BCL7C: variants seen among roughly 807,000 people sequenced by gnomAD.
BCL7C encodes the protein BAF chromatin remodeling complex subunit BCL7C, also known as B-cell CLL/lymphoma 7 protein family member C.
A neutral mutation model predicts 26.2 loss-of-function variants in BCL7C; 8 were observed. That is an observed-to-expected ratio of 0.30 (90% confidence interval 0.18 to 0.55). The LOEUF (loss-of-function observed/expected upper bound fraction) is 0.55. Among genes scored for constraint, BCL7C ranks in the 20% least tolerant of loss-of-function variants. BCL7C has a pLI of 0.93. For missense variants in BCL7C, 262 were observed against 298.5 expected (o/e 0.88, Z 0.90); for synonymous variants, 90 against 116.5 (o/e 0.77, Z 1.47).
Position 30,834,888 on chromosome 16 carries a change from G to A in BCL7C, c.*60C>T, listed in dbSNP as rs551533081. 136 of 1,423,476 alleles carry A rather than the reference G, an allele frequency of 9.6e-5. 2 individuals are homozygous for A. In the South Asian group the frequency reaches 1.9e-3, roughly 20 times the overall value. 88.2% of individuals were successfully genotyped at this position (1,423,476 alleles called of 1,614,324 possible). A position where few individuals can be genotyped will look rare whatever the true frequency, so the allele number is the denominator to read the frequency against. On this transcript the variant is annotated 3_prime_UTR_variant, in exon 6 of 6. Coordinates refer to the BCL7C transcript ENST00000380317. The surrounding 1 kb of genome is among the most constrained non-coding windows in gnomAD (Gnocchi z 4.3). ...TTCCGCCCTCGGGGCACAGGTAGTG[G>A]CTGGATCTTGGGGCAGCCAAGGGAG...
chr16:30,888,834 G>C (rs370439394), intron 5 of BCL7C, 26 bp downstream of exon 5: 1 of 1,610,374 alleles, frequency 6.2e-7, no homozygotes, highest in African/African-American at 1.3e-5. Context: ...CAAGACCCAG[G>C]AGTCCAGCCT....
At chr16:30,838,042 T>G (rs1055874475) in intron 5 of BCL7C, among the ~76,000 whole-genome samples, 2 of 152,246 alleles carry the variant, frequency 1.3e-5, no homozygotes, top group African/African-American at 4.8e-5. Flanking sequence ...CTTGGCTTCT[T>G]TCCTGTCCCA....
chr16:30,839,749 C>A (rs2054590712), intron 5 of BCL7C, among the ~76,000 whole-genome samples: 1 of 152,226 alleles, frequency 6.6e-6, no homozygotes, highest in African/African-American at 2.4e-5. Flanking sequence ...GCTCAGCCAA[C>A]ACCTAGACTT....
chr16:30,845,102 A>C (rs1169319585), intron 5 of BCL7C, among the ~76,000 whole-genome samples: 1 of 152,138 alleles, frequency 6.6e-6, no homozygotes, highest in African/African-American at 2.4e-5. Context: ...CACAAATCCC[A>C]TACCACATGC....
intron 5 of BCL7C, among the ~76,000 whole-genome samples, chr16:30,882,625 G>GAGGGGCTGTTAGCAGTTCAGAT (rs2055060333): frequency 6.6e-6 from 1 of 152,218 alleles, no homozygotes; most frequent in African/African-American, 2.4e-5. Context: ...GCAGTTCAGA[G>GAGGGGCTGTTAGCAGTTCAGAT]AGTGACTGCA....
intron 5 of BCL7C, among the ~76,000 whole-genome samples, chr16:30,874,292 A>G (rs936089483): frequency 7.3e-5 from 11 of 151,636 alleles, no homozygotes; most frequent in African/African-American, 2.7e-4. Flanking sequence ...CACTGAGCCC[A>G]GCCTAAATTC....
At chr16:30,837,175 C>T (rs1413112455) in intron 5 of BCL7C, among the ~76,000 whole-genome samples, 2 of 152,068 alleles carry the variant, frequency 1.3e-5, no homozygotes, top group African/African-American at 4.8e-5. Flanking sequence ...TATGTATATC[C>T]TTAATGCCCA....
chr16:30,877,736 G>A (rs2054971941), intron 5 of BCL7C, among the ~76,000 whole-genome samples: 2 of 151,546 alleles, frequency 1.3e-5, no homozygotes, highest in South Asian at 2.1e-4. Flanking sequence ...ACCGCGCCCA[G>A]CCTAGTCCAG....
chr16:30,868,898 C>G (rs2054856835), intron 5 of BCL7C, among the ~76,000 whole-genome samples: 1 of 152,008 alleles, frequency 6.6e-6, no homozygotes, highest in Non-Finnish European at 1.5e-5. Context: ...TATGCCTCTG[C>G]TTTACCTCCC....
At chr16:30,889,743 C>T (rs2055195779) in intron 4 of BCL7C, among the ~76,000 whole-genome samples, 1 of 151,872 alleles carries the variant, frequency 6.6e-6, no homozygotes, top group African/African-American at 2.4e-5. Flanking sequence ...TGAAACCAGC[C>T]TGGGCAACAT....
intron 5 of BCL7C, among the ~76,000 whole-genome samples, chr16:30,841,533 C>T (rs1164221650): frequency 3.3e-5 from 5 of 152,294 alleles, no homozygotes; most frequent in African/African-American, 7.2e-5. Flanking sequence ...GGAAATCTAG[C>T]GCCTATTGTT....
At chr16:30,837,804 A>G (rs975777577) in intron 5 of BCL7C, among the ~76,000 whole-genome samples, 4 of 152,216 alleles carry the variant, frequency 2.6e-5, no homozygotes, top group Admixed American at 1.3e-4. Context: ...TTTCCCAGGC[A>G]TGCTGTCTGG....
chr16:30,851,245 A>ATT (rs562074908), intron 5 of BCL7C: 76 of 235,262 alleles, frequency 3.2e-4, no homozygotes, highest in Middle Eastern at 1.6e-3. Flanking sequence ...TTCGTTCAAC[A>ATT]TTTTTTTTTT....
At chr16:30,850,521 A>T (rs2054666755) in intron 5 of BCL7C, among the ~76,000 whole-genome samples, 3 of 152,252 alleles carry the variant, frequency 2.0e-5, no homozygotes, top group African/African-American at 7.2e-5. Context: ...ACAAATCTAG[A>T]CTATATCATA....
At chr16:30,857,053 G>A (rs2054728510) in intron 5 of BCL7C, among the ~76,000 whole-genome samples, 1 of 152,132 alleles carries the variant, frequency 6.6e-6, no homozygotes, top group African/African-American at 2.4e-5. Flanking sequence ...CTAGGGACAT[G>A]GCTGTTAGTA....
chr16:30,840,148 T>C (rs2054592909), intron 5 of BCL7C, among the ~76,000 whole-genome samples: 1 of 151,950 alleles, frequency 6.6e-6, no homozygotes, highest in Non-Finnish European at 1.5e-5. Flanking sequence ...CCTCTGTTTT[T>C]CCCCTTGAGA....
intron 5 of BCL7C, among the ~76,000 whole-genome samples, chr16:30,878,556 C>G (rs1233127260): frequency 6.8e-6 from 1 of 146,318 alleles, no homozygotes; most frequent in East Asian, 2.1e-4. Context: ...ACAAAAATGT[C>G]TGGGGTGGCT....
chr16:30,859,177 C>T (rs191182373), intron 5 of BCL7C, among the ~76,000 whole-genome samples: 3 of 152,200 alleles, frequency 2.0e-5, no homozygotes, highest in East Asian at 1.9e-4. Context: ...TACAAATTCA[C>T]GATAATGACA....
Position 30,834,798 on chromosome 16 carries a change from G to T in BCL7C, c.*150C>A. 1 of 734,510 alleles carries T rather than the reference G, an allele frequency of 1.4e-6. No homozygotes were observed. Among genetic ancestry groups the T allele is most frequent in the Non-Finnish European group, 2.1e-6 (1 of 470,678 alleles). 45.5% of individuals were successfully genotyped at this position (734,510 alleles called of 1,614,324 possible). A position where few individuals can be genotyped will look rare whatever the true frequency, so the allele number is the denominator to read the frequency against. On this transcript the variant is annotated 3_prime_UTR_variant, in exon 6 of 6. Transcript: ENST00000380317. This position sits in a 1 kb window ranked among gnomAD's most constrained non-coding sequence, Gnocchi z 4.3. ...GAGCCAGATGGGTGCTGTGGCCTTA[G>T]GTTCGGGCAGGTGTGGGGCCGCTCG...
Sources: allele counts gnomAD v4.1 joint callset (sites outside exome capture counted in the v4.1 genomes callset), GRCh38; gene constraint gnomAD v4.1.1; non-coding constraint Gnocchi (gnomAD v3.1); transcripts MANE v1.5; gene names NCBI Gene and HGNC (gene_info 2026-07-23, HGNC 2026-07-21).